AGA: variants seen among roughly 807,000 people sequenced by gnomAD.
The protein encoded by AGA is N(4)-(beta-N-acetylglucosaminyl)-L-asparaginase.
AGA carries 31 observed loss-of-function variants against 40.1 expected under a neutral mutation model. The ratio of observed to expected loss-of-function variants is 0.77; its 90% CI spans 0.58 to 1.04. AGA has a LOEUF of 1.04. Ranked by LOEUF, AGA falls within the 50% of genes least tolerant of loss-of-function variation. AGA has a pLI of 0.00. For synonymous variants in AGA, 148 were observed against 144.0 expected (o/e 1.03, Z -0.20); for missense variants, 445 against 435.4 (o/e 1.02, Z -0.20).
rs386833425 is a variant in AGA, at chr4:177,439,593, AGTGT to A, written c.373_376del (p.Thr125PhefsTer2). The A allele has an allele frequency of 3.7e-6, 6 of 1,613,108 alleles. No individual in the cohort carries two copies. Among genetic ancestry groups the A allele is most frequent in the Non-Finnish European group, 5.1e-6 (6 of 1,179,234 alleles). ...AAAAATACCTGACTCTCCTACTAAAAGTGTGTGTGTTGTATGTTCCAGTACTTTC... is the reference window on the plus strand; with the variant it reads ...AAAAATACCTGACTCTCCTACTAAAAGTGTGTTGTATGTTCCAGTACTTTC... On this transcript the variant is annotated frameshift_variant, in exon 3 of 9. Coordinates refer to ENST00000264595, the MANE Select transcript of AGA (RefSeq NM_000027.4). LOFTEE classifies it high-confidence loss of function.
At chr4:177,434,544 G>T in intron 6 of AGA, 55 bp from the exon 7 acceptor site, 2 of 1,402,376 alleles carry the variant, frequency 1.4e-6, no homozygotes, top group Non-Finnish European at 2.0e-6. Flanking sequence ...AACACATTAA[G>T]TCATAAGCTG....
intron 1 of AGA, 57 bp downstream of exon 1, chr4:177,442,192 C>T: frequency 1.2e-6 from 2 of 1,605,990 alleles, no homozygotes; most frequent in South Asian, 1.1e-5. Flanking sequence ...GCGGGCTAGT[C>T]ATCCCCACCC....
Position 177,433,376 on chromosome 4 carries a change from G to A in AGA, c.807-29C>T, listed in dbSNP as rs1736691545. ...ATTGAAACAGAGGTGAAACCTTAGT[G>A]TCTCAGAATAAATACTAACTCCAAA... On this transcript the variant is annotated intron_variant, in intron 7 of 8. Coordinates refer to ENST00000264595, the MANE Select transcript of AGA (RefSeq NM_000027.4). 1.9e-6 allele frequency: 3 copies of A among 1,613,570 alleles called. No individual in the cohort carries two copies. The East Asian group carries it at 6.7e-5, about 36-fold the overall frequency.
chr4:177,434,328 G>GA (rs368433225), intron 7 of AGA, 54 bp downstream of exon 7: 9 of 1,530,980 alleles, frequency 5.9e-6, no homozygotes, highest in African/African-American at 4.1e-5. Flanking sequence ...TATCTTAAAA[G>GA]AAAAAAATAT....
chr4:177,439,900 C>T lies in AGA; in HGVS notation c.282-212G>A, dbSNP rs560610774. On this transcript the variant is annotated intron_variant, in intron 2 of 8. Coordinates refer to ENST00000264595, the MANE Select transcript of AGA (RefSeq NM_000027.4). ...AAAATCAACTTGCCATGTACCACAA[C>T]AGCACTAAAATTCTCAGTTTCTCCA... The T allele has an allele frequency of 2.7e-5, 16 of 602,310 alleles. No individual in the cohort carries two copies. In the East Asian group the frequency reaches 3.7e-4, roughly 14 times the overall value. 37.3% of individuals were successfully genotyped at this position (602,310 alleles called of 1,614,324 possible).
intron 8 of AGA, among the ~76,000 whole-genome samples, chr4:177,432,516 A>G (rs977219428): frequency 6.6e-6 from 1 of 152,198 alleles, no homozygotes; most frequent in African/African-American, 2.4e-5. Context: ...CTTAAAAAAG[A>G]ATAAAGCATT....
At chr4:177,441,674 C>T (rs776700502) in intron 1 of AGA, among the ~76,000 whole-genome samples, 8 of 152,096 alleles carry the variant, frequency 5.3e-5, no homozygotes, top group Non-Finnish European at 1.0e-4. Flanking sequence ...GCAGTTAGAT[C>T]ACAGTCACAG....
chr4:177,440,518 C>T, intron 1 of AGA, 92 bp from the exon 2 acceptor site: 2 of 1,388,154 alleles, frequency 1.4e-6, no homozygotes, highest in Non-Finnish European at 2.0e-6. Context: ...ACAACTTTTT[C>T]ACATTTACTG....
At chr4:177,437,278 A>G (rs1266333579) in intron 5 of AGA, 127 bp downstream of exon 5, 7 of 739,178 alleles carry the variant, frequency 9.5e-6, no homozygotes, top group Non-Finnish European at 1.7e-5. Context: ...GGATCTATCT[A>G]TAGAGAGGCA....
Position 177,442,380 on chromosome 4 carries a change from G to C in AGA, c.-5C>G, listed in dbSNP as rs370643500. The C allele has an allele frequency of 6.2e-7, 1 of 1,613,950 alleles. No individual in the cohort carries two copies. The highest frequency in any genetic ancestry group is 8.5e-7 in the Non-Finnish European group (1 of 1,179,908). The stretch of plus-strand genomic sequence containing the variant: ...CAAGTTCGACTTCCGCGCCATCCCT[G>C]ACCACCGAAGAGACCAGCGCGAGAA... On this transcript the variant is annotated 5_prime_UTR_variant, in exon 1 of 9. Coordinates refer to ENST00000264595, the MANE Select transcript of AGA (RefSeq NM_000027.4).
At chr4:177,433,439 T>C (rs961382718) in intron 7 of AGA, 92 bp from the exon 8 acceptor site, 5 of 1,464,712 alleles carry the variant, frequency 3.4e-6, no homozygotes, top group Non-Finnish European at 4.8e-6. Flanking sequence ...ACCACCAAAA[T>C]TGCCACATGT....
At chr4:177,437,378 AT>A (rs1343913270) in intron 5 of AGA, 26 bp downstream of exon 5, 1 of 1,486,040 alleles carries the variant, frequency 6.7e-7, no homozygotes, top group East Asian at 2.3e-5. Context: ...AACTTTATCC[AT>A]AAAAACTGCA....
At chr4:177,434,756 G>A (rs1736753443) in intron 6 of AGA, among the ~76,000 whole-genome samples, 1 of 152,186 alleles carries the variant, frequency 6.6e-6, no homozygotes, top group Non-Finnish European at 1.5e-5. Flanking sequence ...GTGGTTACTG[G>A]AGGCTGGGGG....
intron 7 of AGA, 86 bp from the exon 8 acceptor site, chr4:177,433,433 C>T: frequency 6.7e-7 from 1 of 1,501,046 alleles, no homozygotes; most frequent in South Asian, 1.1e-5. Context: ...ATTAAAACCA[C>T]CAAAATTGCC....
intron 4 of AGA, 70 bp from the exon 5 acceptor site, chr4:177,437,589 A>G (rs1384678413): frequency 6.6e-6 from 7 of 1,062,948 alleles, no homozygotes; most frequent in Non-Finnish European, 1.0e-5. Flanking sequence ...ATTATGTACA[A>G]TCGCTAAACA....
In AGA at chr4:177,433,263, A is replaced by G; in HGVS notation, c.891T>C (p.Phe297=). ...ATATAACAGCCCCAAAGAATTCTGG[A>G]AAATGCTTCTGGATTCTTGAAATCA... ...QKVISRIQKH[F]PEFFGAVICA... is the part of the protein sequence containing the mutation. Residue 297 remains phenylalanine, a synonymous_variant, in exon 8 of 9, where the codon TTT becomes TTC. Coordinates refer to ENST00000264595, the MANE Select transcript of AGA (RefSeq NM_000027.4). 1.2e-6 allele frequency: 2 copies of G among 1,614,144 alleles called. No individual in the cohort carries two copies. The highest frequency in any genetic ancestry group is 8.5e-7 in the Non-Finnish European group (1 of 1,179,998).
At chr4:177,440,528 G>A in intron 1 of AGA, 102 bp from the exon 2 acceptor site, 1 of 1,274,108 alleles carries the variant, frequency 7.8e-7, no homozygotes, top group East Asian at 2.5e-5. Context: ...CACATTTACT[G>A]AGTTAAGCTG....
At chr4:177,441,764 C>G (rs1255044733) in intron 1 of AGA, among the ~76,000 whole-genome samples, 1 of 152,110 alleles carries the variant, frequency 6.6e-6, no homozygotes, top group Non-Finnish European at 1.5e-5. Flanking sequence ...ACCTTGAATT[C>G]TAAGTGGCAG....
At chr4:177,434,722 C>T (rs1395889105) in intron 6 of AGA, among the ~76,000 whole-genome samples, 2 of 152,014 alleles carry the variant, frequency 1.3e-5, no homozygotes, top group African/African-American at 4.8e-5. Context: ...AACAGCTGAA[C>T]TCACAGAAAC....
Sources: gnomAD v4.1 joint callset for allele counts (sites outside exome capture counted in the v4.1 genomes callset) on GRCh38, gnomAD v4.1.1 for gene constraint, MANE v1.5 for transcripts, NCBI Gene and HGNC (gene_info 2026-07-23, HGNC 2026-07-21) for gene names.